The following NRG1 variants were observed in gnomAD, a reference collection of about 807,000 sequenced individuals.
NRG1 encodes neuregulin 1, also known as pro-neuregulin-1, membrane-bound isoform.
In NRG1, 18 loss-of-function variants were observed where a neutral mutation model predicts 63.8. The observed-to-expected ratio is 0.28, with a 90% confidence interval of 0.19 to 0.42. The LOEUF is 0.42. Ranked by LOEUF, NRG1 falls within the 10% of genes least tolerant of loss-of-function variation. The pLI, the probability that NRG1 is intolerant of heterozygous loss-of-function variation, is 1.00. For missense variants in NRG1, 762 were observed against 814.7 expected, an observed-to-expected ratio of 0.94 and a Z score of 0.79; for synonymous variants, 302 against 301.3, an observed-to-expected ratio of 1.00 and a Z score of -0.02.
At chr8:32,061,152 AG>A (rs1343237657) in intron 1 of NRG1, among the ~76,000 whole-genome samples, 1 of 151,988 alleles carries the variant, frequency 6.6e-6, no homozygotes, top group Non-Finnish European at 1.5e-5. Flanking sequence ...AAAGGAGTGA[AG>A]GCAAAAACTT....
At chr8:32,408,508 A>G (rs924515945) in intron 1 of NRG1, among the ~76,000 whole-genome samples, 2 of 152,160 alleles carry the variant, frequency 1.3e-5, no homozygotes, top group Non-Finnish European at 2.9e-5. Context: ...GGGAGAAAGC[A>G]CTTAGATCCC....
intron 1 of NRG1, among the ~76,000 whole-genome samples, chr8:31,905,970 A>G (rs1157719692): frequency 6.6e-6 from 1 of 152,242 alleles, no homozygotes; most frequent in Non-Finnish European, 1.5e-5. Context: ...AATGATGAAT[A>G]GCGTGAACAA....
At chr8:32,577,701 C>CTTTTT (rs35395739) in intron 1 of NRG1, among the ~76,000 whole-genome samples, 1 of 148,158 alleles carries the variant, frequency 6.7e-6, no homozygotes. Context: ...AACCTTAACA[C>CTTTTT]TTTTTTTTTT....
intron 1 of NRG1, among the ~76,000 whole-genome samples, chr8:31,838,235 C>T (rs983252127): frequency 6.6e-6 from 1 of 152,058 alleles, no homozygotes; most frequent in Admixed American, 6.6e-5. Context: ...TGAGATCCCA[C>T]CTTTATCACA....
chr8:32,048,257 A>T (rs79760050), intron 1 of NRG1, among the ~76,000 whole-genome samples: 8,344 of 150,394 alleles, frequency 0.055, 765 homozygotes, highest in African/African-American at 0.19. Flanking sequence ...CTTATTTCAT[A>T]TATATGTATG....
chr8:31,857,112 AGGC>A lies in NRG1; in HGVS notation c.37+217682_37+217684del, dbSNP rs1177708267. ...AGAGGTGGAGCCTACAGAGGCAGGC[AGGC>A]CTCCTTGAGCTGTGGTGGGCTCCAC... On this transcript the variant is annotated intron_variant, in intron 1 of 10. Transcript: ENST00000519301. Among the ~76,000 whole-genome samples, 7 of 152,242 alleles carry A rather than the reference AGGC, an allele frequency of 4.6e-5. No individual in the cohort carries two copies. The East Asian group carries it at 1.3e-3, about 29-fold the overall frequency.
chr8:32,720,925 C>T (rs1168446893), intron 5 of NRG1, among the ~76,000 whole-genome samples: 1 of 152,192 alleles, frequency 6.6e-6, no homozygotes, highest in Non-Finnish European at 1.5e-5. Flanking sequence ...CTGCTGGGAA[C>T]TTAGAATCTG....
chr8:32,722,469 A>G (rs1820900564), intron 5 of NRG1, among the ~76,000 whole-genome samples: 1 of 152,312 alleles, frequency 6.6e-6, no homozygotes, highest in Middle Eastern at 3.4e-3. Flanking sequence ...AGCCTTCTAC[A>G]GGAAATACTG....
chr8:31,778,526 T>G (rs1819375346), intron 1 of NRG1, among the ~76,000 whole-genome samples: 2 of 152,366 alleles, frequency 1.3e-5, no homozygotes, highest in Non-Finnish European at 2.9e-5. Flanking sequence ...GTTCCTGCTG[T>G]AGAACTGTAC....
At chr8:32,325,756 T>C (rs938602887) in intron 1 of NRG1, among the ~76,000 whole-genome samples, 1 of 152,206 alleles carries the variant, frequency 6.6e-6, no homozygotes, top group African/African-American at 2.4e-5. Context: ...AAATTAAAAA[T>C]TAAAAGGTTG....
chr8:32,495,611 C>T (rs756507925), intron 1 of NRG1, among the ~76,000 whole-genome samples: 1 of 151,914 alleles, frequency 6.6e-6, no homozygotes, highest in African/African-American at 2.4e-5. Flanking sequence ...TACAGGCGCT[C>T]GCCACCACGC....
intron 1 of NRG1, among the ~76,000 whole-genome samples, chr8:32,218,074 A>T (rs898345312): frequency 6.6e-6 from 1 of 152,232 alleles, no homozygotes; most frequent in Non-Finnish European, 1.5e-5. Context: ...ACGGTGAAGA[A>T]TTAGTGTAAG....
intron 1 of NRG1, among the ~76,000 whole-genome samples, chr8:32,427,363 TTC>T (rs1323823898): frequency 2.6e-5 from 4 of 152,182 alleles, no homozygotes; most frequent in Admixed American, 1.3e-4. Flanking sequence ...CTTTCTGATT[TTC>T]TGTTACCCTA....
intron 5 of NRG1, among the ~76,000 whole-genome samples, chr8:32,690,108 A>AG (rs909723597): frequency 6.6e-6 from 1 of 152,172 alleles, no homozygotes; most frequent in African/African-American, 2.4e-5. Flanking sequence ...ATCTTGAATG[A>AG]GGGGGTCCAA....
At chr8:31,895,614 G>A (rs1255919667) in intron 1 of NRG1, among the ~76,000 whole-genome samples, 1 of 152,070 alleles carries the variant, frequency 6.6e-6, no homozygotes. Context: ...TTAGTGCAGT[G>A]GCCCAAATTT....
At chr8:32,723,625 G>A (rs1404944553) in intron 5 of NRG1, among the ~76,000 whole-genome samples, 8 of 141,284 alleles carry the variant, frequency 5.7e-5, no homozygotes, top group Non-Finnish European at 1.2e-4. Context: ...GGGAGGCAGA[G>A]GTTGCAGTGA....
chr8:31,966,395 T>G (rs902599323), intron 1 of NRG1, among the ~76,000 whole-genome samples: 1 of 152,358 alleles, frequency 6.6e-6, no homozygotes, highest in South Asian at 2.1e-4. Flanking sequence ...TTCTTAAAAC[T>G]GTGTGTAGAA....
intron 1 of NRG1, among the ~76,000 whole-genome samples, chr8:32,262,121 C>A (rs905866914): frequency 2.6e-5 from 4 of 152,124 alleles, no homozygotes; most frequent in African/African-American, 7.2e-5. Context: ...TGAGCGTAAA[C>A]CACATGATGT....
chr8:32,284,508 TTC>T (rs1853283751), intron 1 of NRG1, among the ~76,000 whole-genome samples: 1 of 150,382 alleles, frequency 6.6e-6, no homozygotes. Context: ...CCTTCCTTCC[TTC>T]CTTCCTTCCT....
Sources: allele counts gnomAD v4.1 joint callset (sites outside exome capture counted in the v4.1 genomes callset), GRCh38; gene constraint gnomAD v4.1.1; transcripts MANE v1.5; gene names NCBI Gene and HGNC (gene_info 2026-07-23, HGNC 2026-07-21).